Variants in FGF13 observed in about 807,000 individuals in gnomAD.
The protein encoded by FGF13 is fibroblast growth factor homologous factor 2.
In FGF13, 2 loss-of-function variants were observed where a neutral mutation model predicts 19.5. The ratio of observed to expected loss-of-function variants is 0.10; its 90% CI spans 0.04 to 0.32. The LOEUF is 0.32. Among genes scored for constraint, FGF13 ranks in the 10% least tolerant of loss-of-function variants. FGF13 has a pLI of 1.00. For synonymous variants in FGF13, 72 were observed against 76.9 expected (o/e 0.94, Z 0.33); for missense variants, 113 against 192.7 (o/e 0.59, Z 2.45).
intron 3 of FGF13, among the ~76,000 whole-genome samples, chrX:138,665,783 G>A (rs375133942): frequency 9.0e-6 from 1 of 110,819 alleles, no homozygotes; most frequent in Non-Finnish European, 1.9e-5. Context: ...AGTGACAAAA[G>A]TGTGTGCCTG....
At chrX:139,099,377 C>CAAAAAAAAAA (rs59882808) in intron 1 of FGF13, among the ~76,000 whole-genome samples, 397 of 32,806 alleles carry the variant, frequency 0.012, 8 homozygotes, top group African/African-American at 0.017. Flanking sequence ...GTTTCTATCT[C>CAAAAAAAAAA]AAAAAAAAAA....
upstream of FGF13, among the ~76,000 whole-genome samples, chrX:138,741,699 C>A (rs1467431848): frequency 9.0e-6 from 1 of 111,525 alleles, no homozygotes; most frequent in Non-Finnish European, 1.9e-5. Flanking sequence ...CAAAGGTATT[C>A]TCATTTTGGA....
intron 1 of FGF13, among the ~76,000 whole-genome samples, chrX:138,896,506 T>C (rs945593503): frequency 9.0e-6 from 1 of 111,491 alleles, no homozygotes; most frequent in African/African-American, 3.3e-5. Flanking sequence ...TCATAAAACA[T>C]TGATTTCATC....
intron 1 of FGF13, among the ~76,000 whole-genome samples, chrX:138,906,739 A>T (rs1262234779): frequency 9.0e-6 from 1 of 110,890 alleles, no homozygotes; most frequent in Non-Finnish European, 1.9e-5. Flanking sequence ...TAAATCAATC[A>T]GGCTATTGGT....
At chrX:138,939,348 T>C (rs1252890951) in intron 1 of FGF13, among the ~76,000 whole-genome samples, 1 of 112,389 alleles carries the variant, frequency 8.9e-6, no homozygotes, top group African/African-American at 3.2e-5. Context: ...AACACAAATA[T>C]TGCTTCATAT....
In FGF13 at chrX:138,632,047, T is replaced by C. The variant is rs985919816; in HGVS notation, c.*803A>G. ...ACAATAGTTTAACATGATACACAAATGGAATTAAGAGAAATCTACACTTGA... is the reference window on the plus strand; with the variant it reads ...ACAATAGTTTAACATGATACACAAACGGAATTAAGAGAAATCTACACTTGA... On this transcript the variant is annotated 3_prime_UTR_variant, in exon 5 of 5. Transcript: ENST00000315930. The C allele has an allele frequency of 9.2e-6, 1 of 108,809 alleles. No individual in the cohort carries two copies. The highest frequency in any genetic ancestry group is 3.4e-5 in the African/African-American group (1 of 29,724). 9.0% of individuals were successfully genotyped at this position (108,809 alleles called of 1,213,427 possible). A position where few individuals can be genotyped will look rare whatever the true frequency, so the allele number is the denominator to read the frequency against.
At position 138,623,236 on chromosome X, in the gene FGF13, G is replaced by A. The variant is rs1314214101; in HGVS notation, c.*9614C>T. 9.0e-6 allele frequency: 1 copy of A among 111,318 alleles called. No homozygotes were observed. Among genetic ancestry groups the A allele is most frequent in the African/African-American group, 3.3e-5 (1 of 30,621 alleles). 9.2% of individuals were successfully genotyped at this position (111,318 alleles called of 1,213,427 possible). On this transcript the variant is annotated 3_prime_UTR_variant, in exon 5 of 5. Transcript: ENST00000315930. Reference sequence around the variant, plus strand: ...TTTTGTTGTGGATTTTTGCATCTATGTTCAACAGGGATTTGGGCCTGTAAT... The same window carrying A: ...TTTTGTTGTGGATTTTTGCATCTATATTCAACAGGGATTTGGGCCTGTAAT...
rs1156739250 is a variant in FGF13, at chrX:138,625,471, C to CATATATATATATAATATAT, written c.*7360_*7378dup. The stretch of plus-strand genomic sequence containing the variant: ...GAAGAAAGAAAATTATATATATATA[C>CATATATATATATAATATAT]ATATATATATATAATATATATATAT... On this transcript the variant is annotated 3_prime_UTR_variant, in exon 5 of 5. Transcript: ENST00000315930. 2 of 89,912 alleles carry CATATATATATATAATATAT rather than the reference C, an allele frequency of 2.2e-5. No homozygotes were observed. The highest frequency in any genetic ancestry group is 4.2e-5 in the Non-Finnish European group (2 of 47,899). The allele number at this position is 89,912 out of a possible 1,213,427, so 7.4% of individuals were successfully genotyped here. A position where few individuals can be genotyped will look rare whatever the true frequency, so the allele number is the denominator to read the frequency against.
chrX:138,658,157 T>C (rs1308276764), intron 3 of FGF13, among the ~76,000 whole-genome samples: 1 of 112,193 alleles, frequency 8.9e-6, no homozygotes, highest in African/African-American at 3.2e-5. Flanking sequence ...GAGGGAAGGA[T>C]GTTTTTCTAC....
chrX:138,739,379 G>A, upstream of FGF13: 2 of 805,393 alleles, frequency 2.5e-6, no homozygotes, highest in Non-Finnish European at 3.6e-6. Context: ...TATTCTCCAA[G>A]GTAATGGCCA....
intron 1 of FGF13, among the ~76,000 whole-genome samples, chrX:138,889,446 A>G (rs1238823927): frequency 8.9e-6 from 1 of 112,116 alleles, no homozygotes; most frequent in Non-Finnish European, 1.9e-5. Flanking sequence ...CCTTTCAAGC[A>G]AATAAAAATC....
chrX:138,949,461 GTC>G (rs1349118656), intron 1 of FGF13, among the ~76,000 whole-genome samples: 14 of 111,235 alleles, frequency 1.3e-4, no homozygotes, highest in Non-Finnish European at 2.3e-4. Flanking sequence ...GTGTGCCCGT[GTC>G]TCTGTTATTT....
intron 1 of FGF13, among the ~76,000 whole-genome samples, chrX:138,943,058 G>A (rs1177813665): frequency 8.9e-6 from 1 of 111,928 alleles, no homozygotes; most frequent in East Asian, 2.8e-4. Context: ...GTCTCACATT[G>A]ACTATAAACT....
At chrX:138,654,482 A>G (rs1319044574) in intron 3 of FGF13, among the ~76,000 whole-genome samples, 1 of 111,837 alleles carries the variant, frequency 8.9e-6, no homozygotes, top group Admixed American at 9.5e-5. Flanking sequence ...GGCTCATGCC[A>G]GTAATCCCAA....
chrX:139,006,539 C>G (rs565127), intron 1 of FGF13, among the ~76,000 whole-genome samples: 1 of 110,338 alleles, frequency 9.1e-6, no homozygotes, highest in Non-Finnish European at 1.9e-5. Flanking sequence ...CACAAAATAT[C>G]ATAACACTGT....
At chrX:139,027,575 A>G (rs1330328719) in intron 1 of FGF13, among the ~76,000 whole-genome samples, 3 of 112,247 alleles carry the variant, frequency 2.7e-5, no homozygotes, top group African/African-American at 9.7e-5. Context: ...ATCCAAATGT[A>G]TACACTGACA....
intron 3 of FGF13, among the ~76,000 whole-genome samples, chrX:138,802,765 C>T (rs2090839441): frequency 9.0e-6 from 1 of 111,050 alleles, no homozygotes; most frequent in South Asian, 3.8e-4. Flanking sequence ...CCCTGACTCC[C>T]TTTCCTCTCT....
chrX:138,708,956 A>C (rs757899145), intron 1 of FGF13, 28 bp from the exon 2 acceptor site: 1 of 898,558 alleles, frequency 1.1e-6, no homozygotes, highest in South Asian at 2.3e-5. Context: ...ATTTGGATCA[A>C]TTGATAAATT....
intron 1 of FGF13, among the ~76,000 whole-genome samples, chrX:138,884,540 A>G: frequency 2.7e-5 from 3 of 112,551 alleles, no homozygotes; most frequent in Non-Finnish European, 1.9e-5. Flanking sequence ...ACTTGGTATT[A>G]TTGAGATTAG....
Sources: allele counts gnomAD v4.1 joint callset (sites outside exome capture counted in the v4.1 genomes callset), GRCh38; gene constraint gnomAD v4.1.1; transcripts MANE v1.5; gene names NCBI Gene and HGNC (gene_info 2026-07-23, HGNC 2026-07-21).